ADGRV1: variants seen among roughly 807,000 people sequenced by gnomAD.
ADGRV1 encodes G-protein coupled receptor 98.
ADGRV1 carries 359 observed loss-of-function variants against 596.2 expected under a neutral mutation model. The observed-to-expected ratio is 0.60, with a 90% CI of 0.55 to 0.66. The LOEUF is 0.66. Among genes scored for constraint, ADGRV1 ranks in the 30% least tolerant of loss-of-function variants. The pLI is 0.00. For missense variants in ADGRV1, 7,274 were observed against 7,575.6 expected, an observed-to-expected ratio of 0.96 and a Z score of 1.48; for synonymous variants, 2,681 against 2,679.2, an observed-to-expected ratio of 1.00 and a Z score of -0.02.
At chr5:90,928,881 A>G (rs10079958) in intron 83 of ADGRV1, among the ~76,000 whole-genome samples, 34,314 of 133,938 alleles carry the variant, frequency 0.26, 4,519 homozygotes, top group Non-Finnish European at 0.32. Flanking sequence ...GTCTGTTGGA[A>G]TAGCCTGCCG....
chr5:90,871,268 A>G (rs1468701575), intron 83 of ADGRV1, among the ~76,000 whole-genome samples: 2 of 152,130 alleles, frequency 1.3e-5, no homozygotes, highest in Non-Finnish European at 2.9e-5. Context: ...GAATTCCCCA[A>G]AAAAATATTA....
chr5:90,851,102 GGTGT>G lies in ADGRV1; in HGVS notation c.17205-2152_17205-2149del, dbSNP rs371933419. 5.3e-4 allele frequency among the ~76,000 whole-genome samples: 27 copies of G among 50,644 alleles called. No individual in the cohort carries two copies. In the East Asian group the frequency reaches 0.012, roughly 22 times the overall value. 33.2% of individuals were successfully genotyped at this position (50,644 alleles called of 152,430 possible). On this transcript the variant is annotated intron_variant, in intron 79 of 89. Coordinates refer to ENST00000405460, the MANE Select transcript of ADGRV1 (RefSeq NM_032119.4). Reference sequence around the variant, plus strand: ...ATTGAACATGGAGTAAGCTAGGTAGGGTGTGTGTGTGTGTGTGTGTGTGTGTGTG... The same window carrying G: ...ATTGAACATGGAGTAAGCTAGGTAGGGTGTGTGTGTGTGTGTGTGTGTGTG...
At chr5:91,146,901 C>G (rs1296904654) in intron 87 of ADGRV1, among the ~76,000 whole-genome samples, 2 of 152,180 alleles carry the variant, frequency 1.3e-5, no homozygotes, top group Non-Finnish European at 2.9e-5. Context: ...GTGGCTTGCA[C>G]CTGTAATCCC....
chr5:91,128,532 TG>T (rs1793954201), intron 87 of ADGRV1, among the ~76,000 whole-genome samples: 1 of 152,152 alleles, frequency 6.6e-6, no homozygotes, highest in Non-Finnish European at 1.5e-5. Flanking sequence ...AATGGATCCC[TG>T]GATGAATAAA....
chr5:90,931,617 A>G (rs958759411), intron 83 of ADGRV1, among the ~76,000 whole-genome samples: 2 of 152,238 alleles, frequency 1.3e-5, no homozygotes, highest in South Asian at 2.1e-4. Context: ...TTATGTGCCA[A>G]ATTTTATATG....
intron 72 of ADGRV1, among the ~76,000 whole-genome samples, chr5:90,806,422 G>T (rs2150204985): frequency 6.6e-6 from 1 of 152,232 alleles, no homozygotes; most frequent in South Asian, 2.1e-4. Context: ...TGTCCCCTAA[G>T]TTAAAGATAT....
chr5:90,941,855 A>G (rs1296853513), intron 83 of ADGRV1, among the ~76,000 whole-genome samples: 2 of 152,220 alleles, frequency 1.3e-5, no homozygotes, highest in African/African-American at 4.8e-5. Flanking sequence ...AATTGATTTT[A>G]AATTTTCCGT....
intron 52 of ADGRV1, among the ~76,000 whole-genome samples, chr5:90,747,141 A>G (rs1399017640): frequency 6.6e-6 from 1 of 152,158 alleles, no homozygotes; most frequent in African/African-American, 2.4e-5. Flanking sequence ...ACAGAATGAC[A>G]AAGACTGGTG....
intron 50 of ADGRV1, among the ~76,000 whole-genome samples, chr5:90,731,687 G>A (rs1256615346): frequency 6.6e-6 from 1 of 152,188 alleles, no homozygotes. Context: ...TACAACACTG[G>A]AATCTAGAGA....
In ADGRV1 at chr5:90,810,815, A is replaced by G. The variant is rs1762370622; in HGVS notation, c.15555A>G (p.Val5185=). Residue 5185 remains valine (V), a synonymous_variant, in exon 74 of 90, where the codon GTA becomes GTG. Coordinates refer to ENST00000405460, the MANE Select transcript of ADGRV1 (RefSeq NM_032119.4). Reference sequence around the variant, plus strand: ...CCATTGTTACTGAGGCAACTGGTGTATCTGCCATCCCTGAGAAACTTGTCA... The same window carrying G: ...CCATTGTTACTGAGGCAACTGGTGTGTCTGCCATCCCTGAGAAACTTGTCA... ...VVAIVTEATG[V]SAIPEKLVTL... 6.2e-7 allele frequency: 1 copy of G among 1,613,916 alleles called. No homozygotes were observed. Among genetic ancestry groups the G allele is most frequent in the African/African-American group, 1.3e-5 (1 of 74,944 alleles).
chr5:90,680,025 A>G (rs1035150773), intron 26 of ADGRV1, among the ~76,000 whole-genome samples: 2 of 152,192 alleles, frequency 1.3e-5, no homozygotes, highest in African/African-American at 2.4e-5. Context: ...AATACATCAC[A>G]CTTATTCTCT....
intron 76 of ADGRV1, 93 bp from the exon 77 acceptor site, chr5:90,828,851 T>A: frequency 4.4e-6 from 3 of 688,562 alleles, no homozygotes; most frequent in Non-Finnish European, 4.2e-6. Flanking sequence ...TCTAAAAATG[T>A]ATATGAATTA....
chr5:90,662,055 C>G (rs1770385109), intron 21 of ADGRV1, among the ~76,000 whole-genome samples: 1 of 151,888 alleles, frequency 6.6e-6, no homozygotes, highest in African/African-American at 2.4e-5. Flanking sequence ...ATTAGAAAAC[C>G]TTTTTAAATG....
At chr5:91,039,200 C>T (rs1785142080) in intron 85 of ADGRV1, among the ~76,000 whole-genome samples, 1 of 152,132 alleles carries the variant, frequency 6.6e-6, no homozygotes, top group African/African-American at 2.4e-5. Flanking sequence ...ATGTGTAGCT[C>T]ATATAAGTAA....
chr5:91,058,913 C>T (rs576722026), intron 85 of ADGRV1, among the ~76,000 whole-genome samples: 2 of 152,310 alleles, frequency 1.3e-5, no homozygotes, highest in South Asian at 4.1e-4. Context: ...CTGCCTCTTC[C>T]ACAAAGTCTC....
intron 87 of ADGRV1, among the ~76,000 whole-genome samples, chr5:91,148,026 C>A (rs1367560766): frequency 5.3e-5 from 8 of 152,124 alleles, no homozygotes; most frequent in Non-Finnish European, 1.2e-4. Flanking sequence ...TGTCATTTTA[C>A]CCCCTCCCTA....
chr5:90,976,118 C>T (rs578057873), intron 84 of ADGRV1, among the ~76,000 whole-genome samples: 1 of 151,232 alleles, frequency 6.6e-6, no homozygotes, highest in African/African-American at 2.4e-5. Flanking sequence ...AAAGTAAACA[C>T]TACTGTTTTC....
intron 10 of ADGRV1, among the ~76,000 whole-genome samples, chr5:90,637,067 A>G (rs1766304054): frequency 6.6e-6 from 1 of 152,194 alleles, no homozygotes; most frequent in Admixed American, 6.5e-5. Flanking sequence ...GCACTGTCCT[A>G]GATACTTTAC....
At chr5:90,969,520 C>T (rs1473473485) in intron 84 of ADGRV1, among the ~76,000 whole-genome samples, 2 of 152,190 alleles carry the variant, frequency 1.3e-5, no homozygotes, top group Non-Finnish European at 2.9e-5. Flanking sequence ...TAAATAGCAG[C>T]CTTGCCTCTG....
Sources: gnomAD v4.1 joint callset for allele counts (sites outside exome capture counted in the v4.1 genomes callset) on GRCh38, gnomAD v4.1.1 for gene constraint, MANE v1.5 for transcripts, NCBI Gene and HGNC (gene_info 2026-07-23, HGNC 2026-07-21) for gene names.